Variants in BICRAL observed in about 807,000 individuals in gnomAD.
The protein encoded by BICRAL is BRD4-interacting chromatin-remodeling complex-associated protein-like.
Under a neutral mutation model 91.8 loss-of-function variants are expected in BICRAL, and 8 were observed. The observed-to-expected ratio is 0.09, with a 90% CI of 0.05 to 0.16. The LOEUF (loss-of-function observed/expected upper bound fraction) is 0.16, where lower values mean the gene tolerates loss of function less well. Among genes scored for constraint, BICRAL ranks in the 10% least tolerant of loss-of-function variants. The probability of loss-of-function intolerance (pLI) is 1.00; values close to 1 mark genes in which losing one functional copy is unlikely to be tolerated. For synonymous variants in BICRAL, 445 were observed against 491.1 expected (o/e 0.91, Z 1.24); for missense variants, 1,038 against 1,310.9 (o/e 0.79, Z 3.21).
intron 6 of BICRAL, among the ~76,000 whole-genome samples, chr6:42,841,221 A>T (rs1405409670): frequency 1.0e-5 from 1 of 100,422 alleles, no homozygotes; most frequent in East Asian, 3.0e-4. Context: ...ATGGGGTCTC[A>T]CTTTGTCGCC....
At chr6:42,797,918 G>T (rs9349242) in intron 1 of BICRAL, among the ~76,000 whole-genome samples, 14,063 of 152,126 alleles carry the variant, frequency 0.092, 1,145 homozygotes, top group African/African-American at 0.21. Flanking sequence ...AGAGGTTTCA[G>T]TGAGCCACTA....
chr6:42,864,250 G>C (rs1338778468), intron 12 of BICRAL, among the ~76,000 whole-genome samples: 1 of 152,058 alleles, frequency 6.6e-6, no homozygotes, highest in East Asian at 1.9e-4. Flanking sequence ...TGAGGCAGGA[G>C]AATTGCTTGA....
intron 1 of BICRAL, among the ~76,000 whole-genome samples, chr6:42,771,964 T>A (rs1293314367): frequency 5.3e-5 from 8 of 152,198 alleles, no homozygotes; most frequent in Non-Finnish European, 1.0e-4. Context: ...GGTTGTGGTA[T>A]GTGCCTGTCT....
chr6:42,854,963 C>T (rs1765301634), intron 8 of BICRAL, among the ~76,000 whole-genome samples: 1 of 152,142 alleles, frequency 6.6e-6, no homozygotes, highest in South Asian at 2.1e-4. Flanking sequence ...TTCTTGTTTT[C>T]AGCTTACTAA....
chr6:42,832,578 C>CGTGTGTGTGT lies in BICRAL; in HGVS notation c.1839+2427_1839+2436dup, dbSNP rs59693040. 3.7e-3 allele frequency among the ~76,000 whole-genome samples: 534 copies of CGTGTGTGTGT among 142,736 alleles called. 2 individuals carry two copies. The highest frequency in any genetic ancestry group is 0.013 in the African/African-American group (487 of 38,920). The allele number at this position is 142,736 out of a possible 152,430, so 93.6% of individuals were successfully genotyped here. A position where few individuals can be genotyped will look rare whatever the true frequency, so the allele number is the denominator to read the frequency against. ...TTTGGTTTCAAAGATATCAAAGGGGCGTGTGTGTGTGTGTGTGTGTGTGTG... is the reference window on the plus strand; with the variant it reads ...TTTGGTTTCAAAGATATCAAAGGGGCGTGTGTGTGTGTGTGTGTGTGTGTGTGTGTGTGTG... On this transcript the variant is annotated intron_variant, in intron 6 of 12. Coordinates refer to ENST00000314073, the MANE Select transcript of BICRAL (RefSeq NM_001393499.1).
At chr6:42,825,727 A>T (rs536960111) in intron 5 of BICRAL, among the ~76,000 whole-genome samples, 2 of 150,044 alleles carry the variant, frequency 1.3e-5, no homozygotes, top group East Asian at 4.0e-4. Flanking sequence ...TATCTCAAAA[A>T]AAAGAAACCC....
intron 5 of BICRAL, among the ~76,000 whole-genome samples, chr6:42,824,577 C>G (rs1217137738): frequency 6.6e-6 from 1 of 152,230 alleles, no homozygotes; most frequent in Non-Finnish European, 1.5e-5. Flanking sequence ...CTCCTGATCT[C>G]AAGTGATCCC....
At chr6:42,809,508 C>T (rs1274523471) in intron 1 of BICRAL, among the ~76,000 whole-genome samples, 2 of 144,870 alleles carry the variant, frequency 1.4e-5, no homozygotes, top group African/African-American at 2.6e-5. Flanking sequence ...ACAATCTTGG[C>T]TCACGGCAAC....
At chr6:42,824,101 C>T (rs571179682) in intron 5 of BICRAL, among the ~76,000 whole-genome samples, 3 of 150,650 alleles carry the variant, frequency 2.0e-5, no homozygotes, top group Non-Finnish European at 3.0e-5. Context: ...TGTGGTGGCG[C>T]GTGCCTGTAA....
intron 2 of BICRAL, among the ~76,000 whole-genome samples, chr6:42,816,467 C>T (rs1763998471): frequency 6.6e-6 from 1 of 151,870 alleles, no homozygotes; most frequent in Non-Finnish European, 1.5e-5. Context: ...GGTACTTTTG[C>T]CCGGGCTGGA....
chr6:42,865,417 G>A lies in BICRAL; in HGVS notation c.3211G>A (p.Ala1071Thr). The A allele has an allele frequency of 6.2e-7, 1 of 1,612,910 alleles. No homozygotes were observed. Among genetic ancestry groups the A allele is most frequent in the Non-Finnish European group, 8.5e-7 (1 of 1,178,988 alleles). The change falls in exon 13 of 13, where the codon GCA (alanine) becomes ACA (threonine). Residue 1071 changes from alanine to threonine, a missense_variant. By Grantham distance (58) the Ala-to-Thr change is moderately conservative (BLOSUM62 0). Around this residue, in one of 5 missense-constraint regions of BICRAL, gnomAD observed 92 missense variants for 147.8 expected, o/e 0.62. Coordinates refer to ENST00000314073, the MANE Select transcript of BICRAL (RefSeq NM_001393499.1). Reference sequence around the variant, plus strand: ...TGTAGAAACTGACTCCATTTTAGAAGCAGCTGTAAATAGTATCCTAGAGTG... The same window carrying A: ...TGTAGAAACTGACTCCATTTTAGAAACAGCTGTAAATAGTATCCTAGAGTG... The part of the protein sequence containing the change: ...GVVETDSILE[A>T]AVNSILEC
chr6:42,864,238 G>C (rs868295151), intron 12 of BICRAL, among the ~76,000 whole-genome samples: 1 of 152,044 alleles, frequency 6.6e-6, no homozygotes, highest in Non-Finnish European at 1.5e-5. Context: ...TACTCGAGAG[G>C]CTGAGGCAGG....
upstream of BICRAL, among the ~76,000 whole-genome samples, chr6:42,779,219 G>GA (rs1222198480): frequency 1.9e-5 from 2 of 104,094 alleles, no homozygotes; most frequent in African/African-American, 7.8e-5. Flanking sequence ...CCTGTCTCAA[G>GA]AAAAACACAC....
intron 6 of BICRAL, among the ~76,000 whole-genome samples, chr6:42,841,183 A>ATTTTT (rs70990150): frequency 2.6e-4 from 21 of 80,666 alleles, no homozygotes; most frequent in Non-Finnish European, 3.4e-4. Flanking sequence ...ACTCTTGAAT[A>ATTTTT]TTTTTTTTTT....
intron 1 of BICRAL, among the ~76,000 whole-genome samples, chr6:42,800,799 T>A (rs1441762974): frequency 6.6e-6 from 1 of 152,204 alleles, no homozygotes; most frequent in Non-Finnish European, 1.5e-5. Context: ...CTTTGTAAAA[T>A]GGAATTTTGT....
At chr6:42,857,628 T>C (rs1257280281) in intron 10 of BICRAL, among the ~76,000 whole-genome samples, 1 of 128,396 alleles carries the variant, frequency 7.8e-6, no homozygotes, top group East Asian at 2.0e-4. Context: ...TATATATATA[T>C]ATATATATTT....
At chr6:42,842,725 C>A (rs988543437) in intron 6 of BICRAL, among the ~76,000 whole-genome samples, 5 of 152,174 alleles carry the variant, frequency 3.3e-5, no homozygotes, top group African/African-American at 1.2e-4. Context: ...GGTACATAAC[C>A]ACTTACTTTG....
chr6:42,860,018 G>T (rs542775844), intron 10 of BICRAL, among the ~76,000 whole-genome samples: 1 of 152,104 alleles, frequency 6.6e-6, no homozygotes, highest in South Asian at 2.1e-4. Context: ...TTATGTTTTT[G>T]GTTTCCTAGT....
At chr6:42,844,764 G>A (rs1371680410) in intron 6 of BICRAL, among the ~76,000 whole-genome samples, 1 of 152,046 alleles carries the variant, frequency 6.6e-6, no homozygotes, top group African/African-American at 2.4e-5. Context: ...AGTAACTGAA[G>A]AGCAATAGCT....
Sources: gnomAD v4.1 joint callset for allele counts (sites outside exome capture counted in the v4.1 genomes callset) on GRCh38, gnomAD v4.1.1 for gene constraint, gnomAD v4.1.1 regional missense constraint, MANE v1.5 for transcripts, NCBI Gene and HGNC (gene_info 2026-07-23, HGNC 2026-07-21) for gene names.